CYP27C1: variants seen among roughly 807,000 people sequenced by gnomAD.
The protein encoded by CYP27C1 is cytochrome P450 family 27 subfamily C member 1.
In CYP27C1, 29 loss-of-function variants were observed where a neutral mutation model predicts 40.6. The ratio of observed to expected loss-of-function variants is 0.71; its 90% CI spans 0.53 to 0.97. The LOEUF is 0.97. Ranked by LOEUF, CYP27C1 falls within the 50% of genes least tolerant of loss-of-function variation. The probability of loss-of-function intolerance (pLI) is 0.00; values close to 1 mark genes in which losing one functional copy is unlikely to be tolerated. For synonymous variants in CYP27C1, 198 were observed against 186.8 expected (o/e 1.06, Z -0.49); for missense variants, 390 against 485.8 (o/e 0.80, Z 1.85).
chr2:127,200,422 C>A lies in CYP27C1; in HGVS notation c.883+700G>T, dbSNP rs1199435010. On this transcript the variant is annotated intron_variant, in intron 4 of 8. Transcript: ENST00000664447. The surrounding 1 kb of genome is among the most constrained non-coding windows in gnomAD (Gnocchi z 4.2). ...TAAAAATTTTAGTCACATAAGAAAA[C>A]AAATCTCTTTGTAATCTCACCTTGG... 6.6e-6 allele frequency among the ~76,000 whole-genome samples: 1 copy of A among 152,196 alleles called. No individual in the cohort carries two copies. Among genetic ancestry groups the A allele is most frequent in the South Asian group, 2.1e-4 (1 of 4,828 alleles).
rs939453292 is a variant in CYP27C1, at chr2:127,208,678, G to A, written c.283-2588C>T. ...ACTTTTCCCCTGCTGGAGCCAGGGAGGCTGGATGGCTTGGTCCCAAGAGTT... is the reference window on the plus strand; with the variant it reads ...ACTTTTCCCCTGCTGGAGCCAGGGAAGCTGGATGGCTTGGTCCCAAGAGTT... On this transcript the variant is annotated intron_variant, in intron 1 of 8. Transcript: ENST00000664447. The surrounding 1 kb of genome is among the most constrained non-coding windows in gnomAD (Gnocchi z 5.2). Among the ~76,000 whole-genome samples the A allele has an allele frequency of 6.6e-6, 1 of 152,208 alleles. No homozygotes were observed. The highest frequency in any genetic ancestry group is 1.5e-5 in the Non-Finnish European group (1 of 68,040).
chr2:127,194,867 G>T (rs1362840708), intron 6 of CYP27C1, among the ~76,000 whole-genome samples: 1 of 144,848 alleles, frequency 6.9e-6, no homozygotes, highest in Non-Finnish European at 1.5e-5. Context: ...TTGAGACAGA[G>T]CCTCGCTCTG....
rs1460026669 is a variant in CYP27C1 at position 127,196,229 on chromosome 2, A to C, written c.1048-728T>G. Among the ~76,000 whole-genome samples the C allele has an allele frequency of 7.7e-6, 1 of 129,124 alleles. No homozygotes were observed. The highest frequency in any genetic ancestry group is 8.3e-5 in the Admixed American group (1 of 12,034). 84.7% of individuals were successfully genotyped at this position (129,124 alleles called of 152,430 possible). ...AGGCGCTCACCACCACGCCCGGCTAATTTTTTGTATTTTTAGGAGAGACAG... is the reference window on the plus strand; with the variant it reads ...AGGCGCTCACCACCACGCCCGGCTACTTTTTTGTATTTTTAGGAGAGACAG... On this transcript the variant is annotated intron_variant, in intron 5 of 8. Transcript: ENST00000664447. This position sits in a 1 kb window ranked among gnomAD's most constrained non-coding sequence, Gnocchi z 4.5.
At chr2:127,207,439 A>G (rs1197992558) in intron 1 of CYP27C1, among the ~76,000 whole-genome samples, 5 of 152,208 alleles carry the variant, frequency 3.3e-5, no homozygotes, top group African/African-American at 1.2e-4. Context: ...GGTTGCAGTG[A>G]GCCGCAAGAC....
At chr2:127,203,623 G>A in intron 2 of CYP27C1, 52 bp from the exon 3 acceptor site, 1 of 1,556,300 alleles carries the variant, frequency 6.4e-7, no homozygotes, top group East Asian at 2.3e-5. Flanking sequence ...GACATTCTGG[G>A]AAAGAATTCA....
chr2:127,205,160 A>G (rs553760038), intron 2 of CYP27C1, among the ~76,000 whole-genome samples: 5 of 152,356 alleles, frequency 3.3e-5, no homozygotes, highest in Admixed American at 2.0e-4. Context: ...GGGCCCCTCT[A>G]GGCCTGAACA....
chr2:127,184,113 T>C lies in CYP27C1; in HGVS notation c.*3158A>G, dbSNP rs1261526583. 6.6e-6 allele frequency: 1 copy of C among 152,230 alleles called. No individual in the cohort carries two copies. Among genetic ancestry groups the C allele is most frequent in the Non-Finnish European group, 1.5e-5 (1 of 68,038 alleles). The allele number at this position is 152,230 out of a possible 1,614,324, so 9.4% of individuals were successfully genotyped here. A position where few individuals can be genotyped will look rare whatever the true frequency, so the allele number is the denominator to read the frequency against. On this transcript the variant is annotated 3_prime_UTR_variant, in exon 9 of 9. Transcript: ENST00000664447. ...GCTATCTCCAAGAGATAAAGTCTCT[T>C]TTTTTAAAACATAACTACCATTATC...
chr2:127,204,563 AAGAAAG>A (rs1683170597), intron 2 of CYP27C1, among the ~76,000 whole-genome samples: 1 of 47,636 alleles, frequency 2.1e-5, no homozygotes. Context: ...GAGAGAAAGA[AAGAAAG>A]AAAGAAAGAA....
chr2:127,192,040 C>A (rs531053730), intron 8 of CYP27C1, among the ~76,000 whole-genome samples: 10 of 152,308 alleles, frequency 6.6e-5, no homozygotes, highest in African/African-American at 2.4e-4. Context: ...TCCCTCTACC[C>A]CTCCTCCCAG....
chr2:127,197,607 G>A (rs1462226032), intron 5 of CYP27C1, among the ~76,000 whole-genome samples: 4 of 152,088 alleles, frequency 2.6e-5, no homozygotes, highest in South Asian at 4.1e-4. Context: ...ACAGCGAAGC[G>A]TCACGCAATC....
chr2:127,211,960 A>T (rs967037485), intron 1 of CYP27C1, among the ~76,000 whole-genome samples: 8 of 152,148 alleles, frequency 5.3e-5, no homozygotes, highest in Non-Finnish European at 1.2e-4. Context: ...AATCAAATAG[A>T]CACAATAAAA....
chr2:127,184,847 G>A lies in CYP27C1; in HGVS notation c.*2424C>T, dbSNP rs187887870. 8.2e-3 allele frequency: 1,249 copies of A among 152,348 alleles called. 11 individuals carry two copies. Among genetic ancestry groups the A allele is most frequent in the African/African-American group, 0.023 (957 of 41,496 alleles). 9.4% of individuals were successfully genotyped at this position (152,348 alleles called of 1,614,324 possible). ...TGTTTGTGTGTTTGTTTGTTATGAA[G>A]TCTTGCTCTGTCACCCAGGCTGGAG... On this transcript the variant is annotated 3_prime_UTR_variant, in exon 9 of 9. Coordinates refer to ENST00000664447, the MANE Select transcript of CYP27C1 (RefSeq NM_001367502.1).
At chr2:127,214,619 T>C (rs1401118715) in intron 1 of CYP27C1, among the ~76,000 whole-genome samples, 1 of 151,948 alleles carries the variant, frequency 6.6e-6, no homozygotes, top group African/African-American at 2.4e-5. Context: ...AGTTGAATAT[T>C]GAGAACACAT....
In CYP27C1 at chr2:127,218,922, C is replaced by G. The variant is rs969804418; in HGVS notation, c.282+1067G>C. Among the ~76,000 whole-genome samples the G allele has an allele frequency of 6.6e-6, 1 of 152,144 alleles. No homozygotes were observed. Among genetic ancestry groups the G allele is most frequent in the Non-Finnish European group, 1.5e-5 (1 of 68,008 alleles). The stretch of plus-strand genomic sequence containing the variant: ...CCACGAAGGGCGCAACGGAGGTGGG[C>G]GTGGGAAGGACAGCACTCAGGCTCC... On this transcript the variant is annotated intron_variant, in intron 1 of 8. Transcript: ENST00000664447. The surrounding 1 kb of genome is among the most constrained non-coding windows in gnomAD (Gnocchi z 6.0).
At chr2:127,205,244 T>C (rs1683199369) in intron 2 of CYP27C1, among the ~76,000 whole-genome samples, 2 of 152,234 alleles carry the variant, frequency 1.3e-5, no homozygotes, top group African/African-American at 4.8e-5. Context: ...GTCACGATTC[T>C]TATTTATCTT....
At position 127,187,337 on chromosome 2, in the gene CYP27C1, A is replaced by G. The variant is rs776827219; in HGVS notation, c.1548T>C (p.His516=). ...GCGTCAGGAGCCCGTGGGTTTTTGC[A>G]TGAACAGCATTGGTCTGAGAAGATG... ...IKTSSQTNAV[H]AKTHGLLTPG... The change falls in exon 9 of 9, where the codon CAT becomes CAC. Residue 516 remains histidine (H), a synonymous_variant. Coordinates refer to ENST00000664447, the MANE Select transcript of CYP27C1 (RefSeq NM_001367502.1). 4 of 1,614,192 alleles carry G rather than the reference A, an allele frequency of 2.5e-6. No individual in the cohort carries two copies. The Middle Eastern group carries it at 4.9e-4, about 200-fold the overall frequency.
At position 127,208,229 on chromosome 2, in the gene CYP27C1, G is replaced by A. The variant is rs528309193; in HGVS notation, c.283-2139C>T. ...TGACTAGAAGGCTGGCATAACCCAC[G>A]GAGAGAAGGAAGAACAGTGTAGTGC... On this transcript the variant is annotated intron_variant, in intron 1 of 8. Transcript: ENST00000664447. This position sits in a 1 kb window ranked among gnomAD's most constrained non-coding sequence, Gnocchi z 5.2. Among the ~76,000 whole-genome samples, 28 of 152,184 alleles carry A rather than the reference G, an allele frequency of 1.8e-4. No individual in the cohort carries two copies. Among genetic ancestry groups the A allele is most frequent in the African/African-American group, 2.4e-5 (1 of 41,440 alleles).
chr2:127,194,319 C>T (rs1378330718), intron 6 of CYP27C1, among the ~76,000 whole-genome samples: 1 of 152,136 alleles, frequency 6.6e-6, no homozygotes, highest in African/African-American at 2.4e-5. Flanking sequence ...ACCCCACAGC[C>T]AGCTGCTTCT....
At chr2:127,192,954 G>A (rs184062434) in intron 8 of CYP27C1, 140 bp downstream of exon 8, 12 of 1,087,296 alleles carry the variant, frequency 1.1e-5, no homozygotes, top group African/African-American at 9.4e-5. Flanking sequence ...GGGACCACAG[G>A]TGTGAGCCAC....
Sources: gnomAD v4.1 joint callset for allele counts (sites outside exome capture counted in the v4.1 genomes callset) on GRCh38, gnomAD v4.1.1 for gene constraint, Gnocchi (gnomAD v3.1) non-coding constraint, MANE v1.5 for transcripts, NCBI Gene and HGNC (gene_info 2026-07-23, HGNC 2026-07-21) for gene names.